Variants in SCN3B observed in about 807,000 individuals in gnomAD.
The protein encoded by SCN3B is sodium channel regulatory subunit beta-3.
SCN3B carries 11 observed loss-of-function variants against 25.4 expected under a neutral mutation model. The ratio of observed to expected loss-of-function variants is 0.43; its 90% CI spans 0.27 to 0.72. The LOEUF is 0.72. Ranked by LOEUF, SCN3B falls within the 30% of genes least tolerant of loss-of-function variation. SCN3B has a pLI of 0.18. For synonymous variants in SCN3B, 109 were observed against 110.7 expected, an observed-to-expected ratio of 0.99 and a Z score of 0.09; for missense variants, 218 against 278.3, an observed-to-expected ratio of 0.78 and a Z score of 1.54.
At chr11:123,638,131 G>T in intron 5 of SCN3B, 55 bp downstream of exon 5, 1 of 1,605,514 alleles carries the variant, frequency 6.2e-7, no homozygotes. Context: ...ACCTGTGAGA[G>T]CAAGCATTCT....
Position 123,642,594 on chromosome 11 carries a change from G to C in SCN3B, c.297C>G (p.Asp99Glu). Residue 99 changes from aspartate to glutamate, a missense_variant, in exon 4 of 7, where the codon GAC (aspartate) becomes GAG (glutamate). Physicochemically the swap from Asp to Glu is conservative, Grantham distance 45 (BLOSUM62 2). Transcript: ENST00000299333. The surrounding 1 kb of genome is among the most constrained non-coding windows in gnomAD (Gnocchi z 4.3). ...QGRLQWNGSKDLQDVSITVLN... is the reference protein window; with the variant it reads ...QGRLQWNGSKELQDVSITVLN... Reference sequence around the variant, plus strand: ...GCACAGTGATGGACACGTCCTGCAGGTCCTTGCTGCCATTCCACTGCAGGC... The same window carrying C: ...GCACAGTGATGGACACGTCCTGCAGCTCCTTGCTGCCATTCCACTGCAGGC... 1 of 1,614,202 alleles carries C rather than the reference G, an allele frequency of 6.2e-7. No homozygotes were observed. Among genetic ancestry groups the C allele is most frequent in the South Asian group, 1.1e-5 (1 of 91,086 alleles).
rs1212729401 is a variant in SCN3B at position 123,642,558 on chromosome 11, A to G, written c.333T>C (p.Thr111=). ...AGGTGTAGAGGCCAGAGTCGTTCAGAGTGACGTTGAGCACAGTGATGGACA... is the reference window on the plus strand; with the variant it reads ...AGGTGTAGAGGCCAGAGTCGTTCAGGGTGACGTTGAGCACAGTGATGGACA... The part of the protein sequence containing the change: ...QDVSITVLNV[T]LNDSGLYTCN... Residue 111 remains threonine, a synonymous_variant, in exon 4 of 7, where the codon ACT becomes ACC. Coordinates refer to ENST00000299333, the MANE Select transcript of SCN3B (RefSeq NM_001040151.2). The surrounding 1 kb of genome is among the most constrained non-coding windows in gnomAD (Gnocchi z 4.3). The G allele has an allele frequency of 4.3e-6, 7 of 1,614,056 alleles. No individual in the cohort carries two copies. The African/African-American group carries it at 6.7e-5, about 15-fold the overall frequency.
In SCN3B at chr11:123,642,710, G is replaced by A; in HGVS notation, c.220-39C>T. Reference sequence around the variant, plus strand: ...AGCAGAAGAGGGTAGGGCCAGGAAAGGAGATGGCAGTGGGGGGAAGCCGAG... The same window carrying A: ...AGCAGAAGAGGGTAGGGCCAGGAAAAGAGATGGCAGTGGGGGGAAGCCGAG... On this transcript the variant is annotated intron_variant, in intron 3 of 6. Transcript: ENST00000299333. The surrounding 1 kb of genome is among the most constrained non-coding windows in gnomAD (Gnocchi z 4.3). The A allele has an allele frequency of 1.3e-6, 2 of 1,531,286 alleles. No homozygotes were observed. The highest frequency in any genetic ancestry group is 2.3e-5 in the East Asian group (1 of 44,408). The allele number at this position is 1,531,286 out of a possible 1,614,324, so 94.9% of individuals were successfully genotyped here.
At chr11:123,637,797 T>C (rs1322005683) in intron 5 of SCN3B, among the ~76,000 whole-genome samples, 2 of 152,042 alleles carry the variant, frequency 1.3e-5, no homozygotes, top group Non-Finnish European at 2.9e-5. Context: ...CCCAAAGTGC[T>C]GAGATTACAG....
intron 2 of SCN3B, among the ~76,000 whole-genome samples, chr11:123,647,741 A>C (rs1356189532): frequency 6.6e-6 from 1 of 152,252 alleles, no homozygotes; most frequent in Non-Finnish European, 1.5e-5. Context: ...TTTTGAGTCC[A>C]AAAACTGTGT....
intron 2 of SCN3B, among the ~76,000 whole-genome samples, chr11:123,647,192 G>A (rs1213931850): frequency 6.6e-6 from 1 of 152,092 alleles, no homozygotes; most frequent in Non-Finnish European, 1.5e-5. Flanking sequence ...AAAGTAAGAC[G>A]AGGCCAGGTG....
rs1020414330 is a variant in SCN3B at position 123,645,601 on chromosome 11, C to T, written c.205G>A (p.Gly69Ser). Residue 69 changes from glycine (G) to serine (S), a missense_variant, in exon 3 of 7, where the codon GGT (glycine) becomes AGT (serine). Transcript: ENST00000299333. ...GTCTAACATACAAGGAAATCTTTAC[C>T]GCCCTCGGGCCTGTAGAACCATTCC... ...VVEWFYRPEG[G>S]KDFLIYEYRN... 8.7e-6 allele frequency: 14 copies of T among 1,614,004 alleles called. No individual in the cohort carries two copies. The highest frequency in any genetic ancestry group is 1.0e-5 in the Non-Finnish European group (12 of 1,180,018).
chr11:123,645,454 G>T, intron 3 of SCN3B, 133 bp downstream of exon 3: 1 of 978,872 alleles, frequency 1.0e-6, no homozygotes, highest in Non-Finnish European at 1.6e-6. Flanking sequence ...TCAGTTATCT[G>T]CTGAGGATCT....
chr11:123,653,872 T>C, intron 1 of SCN3B, 46 bp from the exon 2 acceptor site: 1 of 1,559,940 alleles, frequency 6.4e-7, no homozygotes, highest in Non-Finnish European at 8.8e-7. Flanking sequence ...CCTCTCAGAT[T>C]CTTTCGAGGA....
chr11:123,633,767 T>A lies in SCN3B; in HGVS notation c.*32A>T. 1 of 333,094 alleles carries A rather than the reference T, an allele frequency of 3.0e-6. No individual in the cohort carries two copies. 20.6% of individuals were successfully genotyped at this position (333,094 alleles called of 1,614,324 possible). On this transcript the variant is annotated 3_prime_UTR_variant, in exon 7 of 7. Transcript: ENST00000299333. ...CATGGGATGTCCAGTCCCTCAGGTG[T>A]TCAGGCCACCTACCAAAGATAAAAT...
intron 4 of SCN3B, 67 bp from the exon 5 acceptor site, chr11:123,638,391 T>C: frequency 6.3e-7 from 1 of 1,595,898 alleles, no homozygotes; most frequent in Non-Finnish European, 8.5e-7. Flanking sequence ...ATTGGAGCCA[T>C]ATTTTTAAGT....
intron 4 of SCN3B, chr11:123,640,337 G>C (rs1382399949): frequency 1.3e-5 from 2 of 152,270 alleles, no homozygotes; most frequent in Non-Finnish European, 2.9e-5. Flanking sequence ...TCAGGTTTCT[G>C]CCTTAGGGCC....
chr11:123,642,676 A>C lies in SCN3B; in HGVS notation c.220-5T>G, dbSNP rs1184230286. 1 of 1,611,218 alleles carries C rather than the reference A, an allele frequency of 6.2e-7. No individual in the cohort carries two copies. The highest frequency in any genetic ancestry group is 1.1e-5 in the South Asian group (1 of 91,034). ...GCCATTCCGATACTCGTAAATCTGC[A>C]GATAGAGGAGCAGAAGAGGGTAGGG... On this transcript the variant is annotated splice_region_variant and splice_polypyrimidine_tract_variant and intron_variant, in intron 3 of 6. Coordinates refer to ENST00000299333, the MANE Select transcript of SCN3B (RefSeq NM_001040151.2). This position sits in a 1 kb window ranked among gnomAD's most constrained non-coding sequence, Gnocchi z 4.3.
chr11:123,647,585 C>T (rs1233566842), intron 2 of SCN3B, among the ~76,000 whole-genome samples: 5 of 151,902 alleles, frequency 3.3e-5, no homozygotes, highest in African/African-American at 1.2e-4. Context: ...AACAGAACCC[C>T]CAGAAAAAAA....
At position 123,638,339 on chromosome 11, in the gene SCN3B, A is replaced by G; in HGVS notation, c.446-15T>C. 2 of 1,613,802 alleles carry G rather than the reference A, an allele frequency of 1.2e-6. No homozygotes were observed. The highest frequency in any genetic ancestry group is 2.2e-5 in the South Asian group (2 of 91,084). On this transcript the variant is annotated splice_polypyrimidine_tract_variant and intron_variant, in intron 4 of 6. Coordinates refer to ENST00000299333, the MANE Select transcript of SCN3B (RefSeq NM_001040151.2). ...GTCCTCTCCAGCTGAAAGAAAGAGA[A>G]TGAGGTTCAGAATATGCAAATCCAG...
At chr11:123,649,695 C>T (rs1454756662) in intron 2 of SCN3B, among the ~76,000 whole-genome samples, 1 of 142,878 alleles carries the variant, frequency 7.0e-6, no homozygotes, top group African/African-American at 2.6e-5. Context: ...CTCTCTGTCT[C>T]TGTCTCTCTC....
rs1332285247 is a variant in SCN3B at position 123,642,452 on chromosome 11, C to T, written c.439G>A (p.Glu147Lys). The T allele has an allele frequency of 1.9e-6, 3 of 1,614,130 alleles. No homozygotes were observed. The highest frequency in any genetic ancestry group is 1.7e-5 in the Admixed American group (1 of 60,024). ...TTRLIPLRVT[E>K]EAGEDFTSVV... ...CCCTGTGCCTCAGCCTCACCCTCCT[C>T]GGTGACTCTTAGGGGGATCAGCCGC... The change falls in exon 4 of 7, where the codon GAG becomes AAG. Residue 147 changes from glutamate to lysine, a missense_variant. Transcript: ENST00000299333. This position sits in a 1 kb window ranked among gnomAD's most constrained non-coding sequence, Gnocchi z 4.3.
At chr11:123,641,629 G>A (rs531055160) in intron 4 of SCN3B, among the ~76,000 whole-genome samples, 24 of 152,176 alleles carry the variant, frequency 1.6e-4, no homozygotes, top group South Asian at 6.2e-4. Context: ...GCAGGACTCC[G>A]GTTGCAACAG....
chr11:123,643,093 G>A (rs748213922), intron 3 of SCN3B, among the ~76,000 whole-genome samples: 2 of 152,166 alleles, frequency 1.3e-5, no homozygotes, highest in Non-Finnish European at 1.5e-5. Flanking sequence ...TCCCAGAGCC[G>A]CTGGCAAGAG....
Sources: allele counts gnomAD v4.1 joint callset (sites outside exome capture counted in the v4.1 genomes callset), GRCh38; gene constraint gnomAD v4.1.1; non-coding constraint Gnocchi (gnomAD v3.1); transcripts MANE v1.5; gene names NCBI Gene and HGNC (gene_info 2026-07-23, HGNC 2026-07-21).